The following CDKL5 variants were observed in gnomAD, a reference collection of about 807,000 sequenced individuals.
CDKL5 encodes the protein cyclin-dependent kinase-like 5.
A neutral mutation model predicts 61.7 loss-of-function variants in CDKL5; 8 were observed. The observed-to-expected ratio is 0.13, with a 90% CI of 0.08 to 0.23. The LOEUF is 0.23. CDKL5 is among the 10% of genes least tolerant of loss of function. The pLI is 1.00. For missense variants in CDKL5, 440 were observed against 734.5 expected (o/e 0.60, Z 4.63); for synonymous variants, 275 against 272.3 (o/e 1.01, Z -0.10).
chrX:18,510,991 T>TTTTTTTGGA (rs1364978759), intron 3 of CDKL5, 137 bp downstream of exon 3: 4 of 476,069 alleles, frequency 8.4e-6, no homozygotes, highest in Non-Finnish European at 1.4e-5. Context: ...ATGTTTTGGA[T>TTTTTTTGGA]TTTTTTGGAT....
In CDKL5 at chrX:18,634,461, C is replaced by T; in HGVS notation, c.*5704C>T. ...GAATTGTCAAAAGCTCCGGTTCAAA[C>T]TCTGTAGAGTTTCATGGAAAAACAA... On this transcript the variant is annotated 3_prime_UTR_variant, in exon 18 of 18. Coordinates refer to ENST00000623535, the MANE Select transcript of CDKL5 (RefSeq NM_001323289.2). The T allele has an allele frequency of 1.3e-6, 1 of 754,267 alleles. No individual in the cohort carries two copies. The highest frequency in any genetic ancestry group is 1.6e-6 in the Non-Finnish European group (1 of 639,287). 62.2% of individuals were successfully genotyped at this position (754,267 alleles called of 1,213,427 possible). A position where few individuals can be genotyped will look rare whatever the true frequency, so the allele number is the denominator to read the frequency against.
At chrX:18,563,457 A>G (rs775981031) in intron 3 of CDKL5, among the ~76,000 whole-genome samples, 1 of 111,884 alleles carries the variant, frequency 8.9e-6, no homozygotes, top group Non-Finnish European at 1.9e-5. Context: ...AATAAGTTGT[A>G]CCCTATACAT....
intron 1 of CDKL5, among the ~76,000 whole-genome samples, chrX:18,494,775 G>A (rs182307329): frequency 6.5e-4 from 73 of 112,463 alleles, no homozygotes; most frequent in Admixed American, 3.1e-3. Context: ...AGTAAATTGT[G>A]TATAACTCAT....
In CDKL5 at chrX:18,631,400, A is replaced by G. The variant is rs774836180; in HGVS notation, c.*2643A>G. 13 of 753,055 alleles carry G rather than the reference A, an allele frequency of 1.7e-5. No individual in the cohort carries two copies. Among genetic ancestry groups the G allele is most frequent in the Non-Finnish European group, 6.3e-6 (4 of 639,183 alleles). The allele number at this position is 753,055 out of a possible 1,213,427, so 62.1% of individuals were successfully genotyped here. A position where few individuals can be genotyped will look rare whatever the true frequency, so the allele number is the denominator to read the frequency against. ...GTGAACTACAATCTGCATTTCCAGC[A>G]TGCAATTCTCTTCCTGCTCACGGAG... On this transcript the variant is annotated 3_prime_UTR_variant, in exon 18 of 18. Transcript: ENST00000623535.
At chrX:18,623,709 C>G (rs1315250866) in intron 16 of CDKL5, among the ~76,000 whole-genome samples, 4 of 111,356 alleles carry the variant, frequency 3.6e-5, no homozygotes, top group Non-Finnish European at 7.5e-5. Context: ...GCATTATTGA[C>G]ATCTTCACAT....
At chrX:18,508,434 G>A (rs1922664684) in intron 2 of CDKL5, among the ~76,000 whole-genome samples, 1 of 111,942 alleles carries the variant, frequency 8.9e-6, no homozygotes, top group African/African-American at 3.2e-5. Flanking sequence ...TCGATGTTAT[G>A]TAAAAATTTC....
intron 12 of CDKL5, among the ~76,000 whole-genome samples, chrX:18,605,187 T>C (rs1926322858): frequency 9.0e-6 from 1 of 111,140 alleles, no homozygotes; most frequent in African/African-American, 3.3e-5. Flanking sequence ...TCATCAGCTG[T>C]ATCAGTTAGG....
chrX:18,566,135 A>T (rs1366800781), intron 4 of CDKL5, among the ~76,000 whole-genome samples: 2 of 112,008 alleles, frequency 1.8e-5, no homozygotes, highest in Non-Finnish European at 3.8e-5. Context: ...TAAAAAGTAC[A>T]ATCTAGGCCA....
At chrX:18,605,038 G>GT (rs1315219090) in intron 12 of CDKL5, among the ~76,000 whole-genome samples, 170 bp downstream of exon 12, 1 of 110,872 alleles carries the variant, frequency 9.0e-6, no homozygotes, top group Non-Finnish European at 1.9e-5. Flanking sequence ...TTTGTTTTTT[G>GT]TTTTTTAAAT....
chrX:18,476,482 G>T (rs1327283824), intron 1 of CDKL5, among the ~76,000 whole-genome samples: 1 of 112,052 alleles, frequency 8.9e-6, no homozygotes, highest in African/African-American at 3.2e-5. Flanking sequence ...CTCCCAAAGT[G>T]CTGGGATTAC....
rs896076903 is a variant in CDKL5, at chrX:18,536,709, G to C, written c.99+25855G>C. On this transcript the variant is annotated intron_variant, in intron 3 of 17. Coordinates refer to ENST00000623535, the MANE Select transcript of CDKL5 (RefSeq NM_001323289.2). ...GATCTGCCTGCCTCAGCCTCCCAAA[G>C]TGCTGGGATTACAGGCGTGAGCCAC... 3.6e-5 allele frequency among the ~76,000 whole-genome samples: 4 copies of C among 110,162 alleles called. No individual in the cohort carries two copies. In the East Asian group the frequency reaches 1.1e-3, roughly 32 times the overall value.
At chrX:18,642,080 C>T (rs281865358), downstream of CDKL5, 3 of 1,210,763 alleles carry the variant, frequency 2.5e-6, no homozygotes, top group Non-Finnish European at 3.4e-6. Context: ...CGGGATGAGG[C>T]GGATGAAGCG....
At chrX:18,447,485 C>T (rs1306488305) in intron 1 of CDKL5, among the ~76,000 whole-genome samples, 2 of 111,680 alleles carry the variant, frequency 1.8e-5, no homozygotes, top group Non-Finnish European at 3.8e-5. Flanking sequence ...CCACCCCCAC[C>T]GCTGCTTAAA....
chrX:18,461,160 A>G lies in CDKL5; in HGVS notation c.-163+35465A>G, dbSNP rs907956336. Reference sequence around the variant, plus strand: ...TTTTTTGGCTAATTCAAATAAAACTATGAATGTTTTTGTACCGGTCTTTTG... The same window carrying G: ...TTTTTTGGCTAATTCAAATAAAACTGTGAATGTTTTTGTACCGGTCTTTTG... On this transcript the variant is annotated intron_variant, in intron 1 of 17. Coordinates refer to ENST00000623535, the MANE Select transcript of CDKL5 (RefSeq NM_001323289.2). Among the ~76,000 whole-genome samples, 6 of 112,411 alleles carry G rather than the reference A, an allele frequency of 5.3e-5. 1 individual carries two copies. The South Asian group carries it at 2.2e-3, about 41-fold the overall frequency.
Position 18,633,689 on chromosome X carries a change from C to T in CDKL5, c.*4932C>T. On this transcript the variant is annotated 3_prime_UTR_variant, in exon 18 of 18. Transcript: ENST00000623535. Reference sequence around the variant, plus strand: ...TAGGAAACTCTGGGCCTGCTGCCCCCTTCGATTCTTTTTTTTTTTCTTTGT... The same window carrying T: ...TAGGAAACTCTGGGCCTGCTGCCCCTTTCGATTCTTTTTTTTTTTCTTTGT... The T allele has an allele frequency of 1.3e-6, 1 of 753,810 alleles. No homozygotes were observed. Among genetic ancestry groups the T allele is most frequent in the Non-Finnish European group, 1.6e-6 (1 of 639,185 alleles). 62.1% of individuals were successfully genotyped at this position (753,810 alleles called of 1,213,427 possible). A position where few individuals can be genotyped will look rare whatever the true frequency, so the allele number is the denominator to read the frequency against.
chrX:18,509,065 C>G (rs1569198347), intron 2 of CDKL5, among the ~76,000 whole-genome samples: 1 of 104,380 alleles, frequency 9.6e-6, no homozygotes, highest in Non-Finnish European at 2.0e-5. Flanking sequence ...GCACTCCAGC[C>G]TGATGAGAGA....
intron 1 of CDKL5, among the ~76,000 whole-genome samples, chrX:18,435,973 A>G (rs952666147): frequency 1.8e-5 from 2 of 111,265 alleles, no homozygotes; most frequent in Non-Finnish European, 3.8e-5. Flanking sequence ...TCAAAAATCC[A>G]AGTATAACTT....
In CDKL5 at chrX:18,534,357, A is replaced by G. The variant is rs1035613658; in HGVS notation, c.99+23503A>G. Reference sequence around the variant, plus strand: ...CTGAGCCTTTTTTCTGGATTCTATGATATATATTTTTCCTCATATTTCTGA... The same window carrying G: ...CTGAGCCTTTTTTCTGGATTCTATGGTATATATTTTTCCTCATATTTCTGA... On this transcript the variant is annotated intron_variant, in intron 3 of 17. Transcript: ENST00000623535. 3.6e-5 allele frequency among the ~76,000 whole-genome samples: 4 copies of G among 111,592 alleles called. No homozygotes were observed. In the Admixed American group the frequency reaches 3.8e-4, roughly 11 times the overall value.
At chrX:18,600,149 A>G (rs1437589023) in intron 11 of CDKL5, among the ~76,000 whole-genome samples, 1 of 112,263 alleles carries the variant, frequency 8.9e-6, no homozygotes, top group Non-Finnish European at 1.9e-5. Context: ...ATCTGGTACT[A>G]TTTAGGTCTG....
Sources: gnomAD v4.1 joint callset for allele counts (sites outside exome capture counted in the v4.1 genomes callset) on GRCh38, gnomAD v4.1.1 for gene constraint, MANE v1.5 for transcripts, NCBI Gene and HGNC (gene_info 2026-07-23, HGNC 2026-07-21) for gene names.